Variants in LPP observed in about 807,000 individuals in gnomAD.
LPP encodes lipoma-preferred partner.
Under a neutral mutation model 60.4 loss-of-function variants are expected in LPP, and 38 were observed. The ratio of observed to expected loss-of-function variants is 0.63; its 90% CI spans 0.49 to 0.83. The LOEUF (loss-of-function observed/expected upper bound fraction) is 0.83, where lower values mean the gene tolerates loss of function less well. Ranked by LOEUF, LPP falls within the 40% of genes least tolerant of loss-of-function variation. The pLI is 0.00. For synonymous variants in LPP, 328 were observed against 290.8 expected, an observed-to-expected ratio of 1.13 and a Z score of -1.30; for missense variants, 902 against 783.6, an observed-to-expected ratio of 1.15 and a Z score of -1.80.
intron 7 of LPP, among the ~76,000 whole-genome samples, chr3:188,658,221 G>A (rs143783929): frequency 6.7e-6 from 1 of 148,684 alleles, no homozygotes; most frequent in Non-Finnish European, 1.5e-5. Context: ...TCAGCTCACT[G>A]CAACCTCTGC....
intron 6 of LPP, among the ~76,000 whole-genome samples, chr3:188,603,934 A>G (rs1841930158): frequency 6.6e-6 from 1 of 152,216 alleles, no homozygotes; most frequent in African/African-American, 2.4e-5. Flanking sequence ...TTCATTTAAA[A>G]TTTACATTTA....
intron 2 of LPP, among the ~76,000 whole-genome samples, chr3:188,312,572 T>C (rs925790163): frequency 6.6e-6 from 1 of 152,230 alleles, no homozygotes; most frequent in Non-Finnish European, 1.5e-5. Context: ...ATTTTTCTTC[T>C]AGTTATTTCT....
rs182477908 is a variant in LPP at position 188,888,645 on chromosome 3, A to C, written c.*14166A>C. On this transcript the variant is annotated 3_prime_UTR_variant, in exon 12 of 12. Coordinates refer to ENST00000617246, the MANE Select transcript of LPP (RefSeq NM_001375462.1). ...AAAAGTGCCTATTCTGAGCAACATA[A>C]ACGTTATTCCTTACATATGTATGTA... is the stretch of plus-strand genomic sequence containing the variant. 2 of 222,406 alleles carry C rather than the reference A, an allele frequency of 9.0e-6. No individual in the cohort carries two copies. Among genetic ancestry groups the C allele is most frequent in the Non-Finnish European group, 1.8e-5 (2 of 111,210 alleles). 13.8% of individuals were successfully genotyped at this position (222,406 alleles called of 1,614,324 possible). A position where few individuals can be genotyped will look rare whatever the true frequency, so the allele number is the denominator to read the frequency against.
chr3:188,240,339 A>AAG (rs1723737471), intron 2 of LPP, among the ~76,000 whole-genome samples: 5 of 143,740 alleles, frequency 3.5e-5, no homozygotes, highest in South Asian at 4.5e-4. Context: ...AGTTTTGGGT[A>AAG]AGAGTGTGTG....
Position 188,524,731 on chromosome 3 carries a change from A to T in LPP, c.373A>T (p.Thr125Ser). Residue 125 changes from threonine to serine, a missense_variant, in exon 6 of 12, where the codon ACC becomes TCC. By Grantham distance (58) the Thr-to-Ser change is moderately conservative (BLOSUM62 1). Transcript: ENST00000617246. ...SSLDAEIDSL[T>S]SILADLECSS... ...CCTGGACGCTGAGATTGACTCCTTGACCAGCATCTTGGCTGACCTTGAGTG... is the reference window on the plus strand; with the variant it reads ...CCTGGACGCTGAGATTGACTCCTTGTCCAGCATCTTGGCTGACCTTGAGTG... 6.2e-7 allele frequency: 1 copy of T among 1,614,144 alleles called. No homozygotes were observed. Among genetic ancestry groups the T allele is most frequent in the Non-Finnish European group, 8.5e-7 (1 of 1,180,004 alleles).
At chr3:188,262,794 T>C (rs1257440586) in intron 2 of LPP, among the ~76,000 whole-genome samples, 1 of 151,390 alleles carries the variant, frequency 6.6e-6, no homozygotes, top group Non-Finnish European at 1.5e-5. Context: ...ATTTTACAGA[T>C]AGGAAAACTG....
At chr3:188,642,941 A>AG (rs1451063215) in intron 7 of LPP, among the ~76,000 whole-genome samples, 1 of 792 alleles carries the variant, frequency 1.3e-3, no homozygotes, top group East Asian at 0.25. Context: ...CATCTCAGGG[A>AG]AAAAAAAAAA....
intron 8 of LPP, among the ~76,000 whole-genome samples, chr3:188,741,216 C>T (rs534751792): frequency 6.6e-6 from 1 of 151,130 alleles, no homozygotes; most frequent in African/African-American, 2.4e-5. Flanking sequence ...CACTTGGTCC[C>T]ACCGAGGTTC....
intron 8 of LPP, among the ~76,000 whole-genome samples, chr3:188,738,624 G>A (rs1195099801): frequency 6.6e-6 from 1 of 151,972 alleles, no homozygotes; most frequent in African/African-American, 2.4e-5. Flanking sequence ...ATAAAGTGTG[G>A]GCTGCTTTTC....
chr3:188,220,015 T>C (rs147016422), intron 1 of LPP, among the ~76,000 whole-genome samples: 1 of 152,280 alleles, frequency 6.6e-6, no homozygotes, highest in South Asian at 2.1e-4. Context: ...TGTGAGGCAA[T>C]AGAGTACAAA....
chr3:188,664,625 G>C (rs191413795), intron 7 of LPP, among the ~76,000 whole-genome samples: 1 of 150,874 alleles, frequency 6.6e-6, no homozygotes. Context: ...GTCTGTGTGT[G>C]TGTGTGTGTG....
At position 188,785,547 on chromosome 3, in the gene LPP, T is replaced by TATATATACACACACAC. The variant is rs1206082559; in HGVS notation, c.1410+25266_1410+25267insTATATACACACACACA. ...ATATATATTCCATCATATATATATA[T>TATATATACACACACAC]ACACACACACACACACACACACACA... On this transcript the variant is annotated intron_variant, in intron 9 of 11. Transcript: ENST00000617246. Among the ~76,000 whole-genome samples the TATATATACACACACAC allele has an allele frequency of 3.4e-4, 15 of 43,844 alleles. 3 individuals are homozygous for TATATATACACACACAC. Among genetic ancestry groups the TATATATACACACACAC allele is most frequent in the African/African-American group, 1.2e-3 (13 of 10,628 alleles). The allele number at this position is 43,844 out of a possible 152,430, so 28.8% of individuals were successfully genotyped here.
Position 188,727,765 on chromosome 3 carries a change from C to T in LPP, c.1240+19372C>T, listed in dbSNP as rs182997170. On this transcript the variant is annotated intron_variant, in intron 8 of 11. Transcript: ENST00000617246. The stretch of plus-strand genomic sequence containing the variant: ...CTCACAACAGGTAAGCATTCATATC[C>T]GGATTTTTCAGATGAGAAAATTGAG... Among the ~76,000 whole-genome samples the T allele has an allele frequency of 7.2e-5, 11 of 152,212 alleles. No homozygotes were observed. In the South Asian group the frequency reaches 8.3e-4, roughly 12 times the overall value.
intron 2 of LPP, among the ~76,000 whole-genome samples, chr3:188,325,488 C>T (rs1578116848): frequency 6.6e-6 from 1 of 152,158 alleles, no homozygotes; most frequent in East Asian, 1.9e-4. Context: ...AAGTAGCACA[C>T]ATACCCCCCT....
At chr3:188,560,710 C>G (rs560677425) in intron 6 of LPP, among the ~76,000 whole-genome samples, 1 of 152,226 alleles carries the variant, frequency 6.6e-6, no homozygotes, top group African/African-American at 2.4e-5. Context: ...AATTCAAAGT[C>G]TATGTGTTCT....
chr3:188,504,810 G>A (rs80351602), intron 5 of LPP, among the ~76,000 whole-genome samples: 1 of 151,292 alleles, frequency 6.6e-6, no homozygotes, highest in African/African-American at 2.4e-5. Flanking sequence ...AAAAAAAAAG[G>A]ACTGGCCTTT....
At chr3:188,485,289 T>G (rs1041457044) in intron 5 of LPP, among the ~76,000 whole-genome samples, 2 of 152,188 alleles carry the variant, frequency 1.3e-5, no homozygotes, top group Admixed American at 6.5e-5. Context: ...TGGGATCAGA[T>G]GTGACATTAG....
intron 9 of LPP, among the ~76,000 whole-genome samples, chr3:188,808,387 G>T (rs1217500410): frequency 1.3e-5 from 2 of 152,152 alleles, no homozygotes; most frequent in African/African-American, 4.8e-5. Context: ...GAGAGGCAGT[G>T]TGGCTGTGAG....
intron 1 of LPP, among the ~76,000 whole-genome samples, chr3:188,219,569 C>A (rs1343849457): frequency 6.6e-6 from 1 of 152,174 alleles, no homozygotes; most frequent in Non-Finnish European, 1.5e-5. Flanking sequence ...ACTGTTAGAG[C>A]ACAGAATCCC....
Sources: gnomAD v4.1 joint callset for allele counts (sites outside exome capture counted in the v4.1 genomes callset) on GRCh38, gnomAD v4.1.1 for gene constraint, MANE v1.5 for transcripts, NCBI Gene and HGNC (gene_info 2026-07-23, HGNC 2026-07-21) for gene names.